The following SF3B3 variants were observed in gnomAD, a reference collection of about 807,000 sequenced individuals.
SF3B3 encodes splicing factor 3b subunit 3.
In SF3B3, 33 loss-of-function variants were observed where a neutral mutation model predicts 139.2. The ratio of observed to expected loss-of-function variants is 0.24; its 90% confidence interval spans 0.18 to 0.32. The LOEUF (loss-of-function observed/expected upper bound fraction) is 0.32. Among genes scored for constraint, SF3B3 ranks in the 10% least tolerant of loss-of-function variants. The pLI is 1.00. For missense variants in SF3B3, 818 were observed against 1,509.4 expected, an observed-to-expected ratio of 0.54 and a Z score of 7.59; for synonymous variants, 596 against 563.6, an observed-to-expected ratio of 1.06 and a Z score of -0.81.
intron 22 of SF3B3, 129 bp from the exon 23 acceptor site, chr16:70,568,914 T>G: frequency 1.6e-6 from 1 of 621,498 alleles, no homozygotes; most frequent in South Asian, 2.1e-5. Flanking sequence ...GCAGGACACG[T>G]GGGCTCAGGC....
intron 11 of SF3B3, 129 bp from the exon 12 acceptor site, chr16:70,554,317 G>GT (rs1400020050): frequency 1.3e-6 from 1 of 793,232 alleles, no homozygotes; most frequent in African/African-American, 1.7e-5. Context: ...GTGTATGTGT[G>GT]TATGTGTGTA....
intron 2 of SF3B3, 49 bp from the exon 3 acceptor site, chr16:70,528,824 G>A (rs765534148): frequency 2.1e-6 from 3 of 1,403,088 alleles, no homozygotes; most frequent in East Asian, 2.3e-5. Flanking sequence ...CACCATGGTG[G>A]CCAGGCTGGG....
intron 10 of SF3B3, among the ~76,000 whole-genome samples, chr16:70,546,478 C>T (rs1187838370): frequency 6.6e-6 from 1 of 152,040 alleles, no homozygotes; most frequent in Non-Finnish European, 1.5e-5. Flanking sequence ...ATGGTGAAAC[C>T]CCTTCTCTAC....
In SF3B3 at chr16:70,575,447, C is replaced by T. The variant is rs2050571417; in HGVS notation, c.*3634C>T. ...CTCGTGACCTCAGGTGATCCACCCA[C>T]CTTGGTCTCCCAAAGCGCTGGGATT... On this transcript the variant is annotated 3_prime_UTR_variant, in exon 26 of 26. Coordinates refer to ENST00000302516, the MANE Select transcript of SF3B3 (RefSeq NM_012426.5). 1 of 152,222 alleles carries T rather than the reference C, an allele frequency of 6.6e-6. No homozygotes were observed. Among genetic ancestry groups the T allele is most frequent in the South Asian group, 2.1e-4 (1 of 4,832 alleles). 9.4% of individuals were successfully genotyped at this position (152,222 alleles called of 1,614,324 possible).
chr16:70,528,162 CTTTTT>C (rs760087242), intron 2 of SF3B3, among the ~76,000 whole-genome samples: 1 of 122,334 alleles, frequency 8.2e-6, no homozygotes. Flanking sequence ...GAGAAGTTTT[CTTTTT>C]TTTTTTTTTT....
rs74588199 is a variant in SF3B3, at chr16:70,570,202, C to T, written c.3408+53C>T. On this transcript the variant is annotated intron_variant, in intron 24 of 25. Transcript: ENST00000302516. ...TGACTTTTAAGGTTGTTTCTTGGTG[C>T]TGGATCTACCTAAGAGGTCAAATTC... is the stretch of plus-strand genomic sequence containing the variant. 1.3e-3 allele frequency: 1,984 copies of T among 1,566,636 alleles called. 28 individuals carry two copies. The African/African-American group carries it at 0.023, about 18-fold the overall frequency.
chr16:70,556,428 C>G (rs2050380278), intron 14 of SF3B3, 94 bp downstream of exon 14: 2 of 1,395,474 alleles, frequency 1.4e-6, no homozygotes, highest in South Asian at 2.5e-5. Flanking sequence ...TGATGTCTAT[C>G]TCTGAGATCA....
chr16:70,572,108 T>G lies in SF3B3; in HGVS notation c.*295T>G. ...AAGCCATCCCTGCATTGATATGTCT[T>G]GACTCTCCTGTCTACTTTTGCACAC... On this transcript the variant is annotated 3_prime_UTR_variant, in exon 26 of 26. Transcript: ENST00000302516. 1 of 574,952 alleles carries G rather than the reference T, an allele frequency of 1.7e-6. No individual in the cohort carries two copies. Among genetic ancestry groups the G allele is most frequent in the South Asian group, 1.5e-5 (1 of 65,628 alleles). The allele number at this position is 574,952 out of a possible 1,614,324, so 35.6% of individuals were successfully genotyped here.
In SF3B3 at chr16:70,532,568, G is replaced by C. The variant is rs1296162260; in HGVS notation, c.660G>C (p.Val220=). Residue 220 remains valine (V), a synonymous_variant, in exon 5 of 26, where the codon GTG becomes GTC. Coordinates refer to ENST00000302516, the MANE Select transcript of SF3B3 (RefSeq NM_012426.5). ...AGCTAGACCTTGGTTTAAATCATGT[G>C]GTCCGAAAATACAGTGAACCTTTGG... ...FYELDLGLNH[V]VRKYSEPLEE... 1 of 1,613,998 alleles carries C rather than the reference G, an allele frequency of 6.2e-7. No individual in the cohort carries two copies. The highest frequency in any genetic ancestry group is 1.7e-5 in the Admixed American group (1 of 60,008).
At chr16:70,539,754 T>C (rs2050201551) in intron 8 of SF3B3, among the ~76,000 whole-genome samples, 1 of 151,740 alleles carries the variant, frequency 6.6e-6, no homozygotes, top group African/African-American at 2.4e-5. Context: ...TTCTGAGCTT[T>C]TTGCTGAATA....
At position 70,565,133 on chromosome 16, in the gene SF3B3, T is replaced by C. The variant is rs762945580; in HGVS notation, c.2532T>C (p.Asn844=). 7 of 1,614,166 alleles carry C rather than the reference T, an allele frequency of 4.3e-6. No homozygotes were observed. Among genetic ancestry groups the C allele is most frequent in the Non-Finnish European group, 5.9e-6 (7 of 1,180,048 alleles). ...CAGAGATGGCAGCAGCATTCCTCAA[T>C]GAAAACCTCCCTGAATCCATCTTTG... ...LAAEMAAAFL[N]ENLPESIFGA... Residue 844 remains asparagine, a synonymous_variant, in exon 19 of 26, where the codon AAT becomes AAC. Coordinates refer to ENST00000302516, the MANE Select transcript of SF3B3 (RefSeq NM_012426.5).
At position 70,569,205 on chromosome 16, in the gene SF3B3, A is replaced by C; in HGVS notation, c.3264+64A>C. On this transcript the variant is annotated intron_variant, in intron 23 of 25. Transcript: ENST00000302516. ...AGCACTTTTCCTGTTGCCCTCACTG[A>C]AGAAATTGCCTTTGGTGAATTATTC... 2.6e-6 allele frequency: 3 copies of C among 1,170,178 alleles called. No individual in the cohort carries two copies. The South Asian group carries it at 4.1e-5, about 16-fold the overall frequency. The allele number at this position is 1,170,178 out of a possible 1,614,324, so 72.5% of individuals were successfully genotyped here.
In SF3B3 at chr16:70,576,713, C is replaced by T. The variant is rs2050584287; in HGVS notation, c.*4900C>T. 6.6e-6 allele frequency: 1 copy of T among 152,190 alleles called. No individual in the cohort carries two copies. The highest frequency in any genetic ancestry group is 1.9e-4 in the East Asian group (1 of 5,194). The allele number at this position is 152,190 out of a possible 1,614,324, so 9.4% of individuals were successfully genotyped here. On this transcript the variant is annotated 3_prime_UTR_variant, in exon 26 of 26. Transcript: ENST00000302516. ...CATAAAGCAATCAGAAACGAGATTC[C>T]ACCTGCCAAATGCCAAGAGGCAGCA...
intron 4 of SF3B3, among the ~76,000 whole-genome samples, chr16:70,531,210 G>A (rs895779254): frequency 2.0e-5 from 3 of 152,128 alleles, no homozygotes; most frequent in Non-Finnish European, 4.4e-5. Context: ...GGAGCTTGCA[G>A]TGAGCCGAGA....
chr16:70,569,153 G>A lies in SF3B3; in HGVS notation c.3264+12G>A. On this transcript the variant is annotated intron_variant, in intron 23 of 25. Transcript: ENST00000302516. ...GGGCCTCCCAGAAGGTAAGATTGCA[G>A]AATGGGCCCCAGGGAGAACACTGCT... 2 of 1,584,734 alleles carry A rather than the reference G, an allele frequency of 1.3e-6. No individual in the cohort carries two copies. The highest frequency in any genetic ancestry group is 1.7e-6 in the Non-Finnish European group (2 of 1,157,882).
chr16:70,546,603 A>G (rs149860220), intron 10 of SF3B3, among the ~76,000 whole-genome samples: 3 of 152,218 alleles, frequency 2.0e-5, no homozygotes, highest in Non-Finnish European at 4.4e-5. Flanking sequence ...GTGAGCCGAG[A>G]TCACGCCACT....
chr16:70,551,108 C>T (rs2050320486), intron 11 of SF3B3, among the ~76,000 whole-genome samples: 1 of 152,178 alleles, frequency 6.6e-6, no homozygotes. Flanking sequence ...CTTCAGGTAT[C>T]TGGATGGTCG....
At chr16:70,557,472 TCTTGATCATATG>T (rs1240475610) in intron 15 of SF3B3, among the ~76,000 whole-genome samples, 8 of 152,216 alleles carry the variant, frequency 5.3e-5, no homozygotes, top group Non-Finnish European at 8.8e-5. Flanking sequence ...GTGTCAGGAT[TCTTGATCATATG>T]CTTTTCATTT....
chr16:70,557,377 A>G (rs1207894963), intron 15 of SF3B3, among the ~76,000 whole-genome samples: 1 of 152,184 alleles, frequency 6.6e-6, no homozygotes, highest in East Asian at 1.9e-4. Context: ...TTCATTAGCA[A>G]TAAAGGACCC....
Sources: gnomAD v4.1 joint callset for allele counts (sites outside exome capture counted in the v4.1 genomes callset) on GRCh38, gnomAD v4.1.1 for gene constraint, MANE v1.5 for transcripts, NCBI Gene and HGNC (gene_info 2026-07-23, HGNC 2026-07-21) for gene names.